Variants in HDX observed in about 807,000 individuals in gnomAD.
HDX encodes the protein highly divergent homeobox.
Under a neutral mutation model 45.2 loss-of-function variants are expected in HDX, and 19 were observed. The observed-to-expected ratio is 0.42, with a 90% CI of 0.29 to 0.62. HDX has a LOEUF of 0.62. Among genes scored for constraint, HDX ranks in the 20% least tolerant of loss-of-function variants. The pLI is 0.20. For synonymous variants in HDX, 188 were observed against 172.8 expected (o/e 1.09, Z -0.69); for missense variants, 532 against 493.9 (o/e 1.08, Z -0.73).
chrX:84,486,983 A>G (rs1184076481), intron 2 of HDX, among the ~76,000 whole-genome samples: 1 of 111,220 alleles, frequency 9.0e-6, no homozygotes, highest in African/African-American at 3.3e-5. Context: ...TACTATTTTT[A>G]TATCATCCCA....
intron 7 of HDX, among the ~76,000 whole-genome samples, chrX:84,337,432 G>T (rs2036990857): frequency 9.0e-6 from 1 of 111,161 alleles, no homozygotes; most frequent in Non-Finnish European, 1.9e-5. Context: ...AATTATGAGT[G>T]ATTTTTAATT....
intron 1 of HDX, among the ~76,000 whole-genome samples, chrX:84,498,132 C>T (rs1437785289): frequency 1.8e-5 from 2 of 111,306 alleles, no homozygotes; most frequent in Admixed American, 9.6e-5. Flanking sequence ...AATAGGACAC[C>T]TTTTGTGAAA....
intron 10 of HDX, 40 bp downstream of exon 10, chrX:84,326,133 TTTGAC>T (rs1325425844): frequency 1.0e-5 from 12 of 1,175,998 alleles, no homozygotes; most frequent in African/African-American, 1.8e-5. Flanking sequence ...CATACCATTT[TTTGAC>T]TTGATACATT....
At chrX:84,452,616 T>G (rs980996827) in intron 4 of HDX, among the ~76,000 whole-genome samples, 3 of 109,371 alleles carry the variant, frequency 2.7e-5, no homozygotes, top group African/African-American at 1.0e-4. Flanking sequence ...AGCATGGTAC[T>G]GGTATATAAA....
intron 5 of HDX, among the ~76,000 whole-genome samples, chrX:84,374,597 A>G (rs1476666080): frequency 3.0e-5 from 3 of 98,593 alleles, no homozygotes; most frequent in South Asian, 4.7e-4. Flanking sequence ...CCACATATCT[A>G]CAACTATCTG....
chrX:84,414,928 T>C (rs2039069480), intron 5 of HDX, among the ~76,000 whole-genome samples: 1 of 112,194 alleles, frequency 8.9e-6, no homozygotes, highest in African/African-American at 3.2e-5. Flanking sequence ...TACTAAAGAC[T>C]CATAGTCTTA....
At chrX:84,393,785 G>T (rs781676203) in intron 5 of HDX, among the ~76,000 whole-genome samples, 14 of 107,892 alleles carry the variant, frequency 1.3e-4, no homozygotes, top group Admixed American at 3.0e-4. Flanking sequence ...ATTTCATCTG[G>T]GTTTTCCAGT....
chrX:84,453,558 A>G (rs1323227897), intron 4 of HDX, among the ~76,000 whole-genome samples: 7 of 112,264 alleles, frequency 6.2e-5, no homozygotes, highest in African/African-American at 2.3e-4. Flanking sequence ...CACTCATCCC[A>G]AGAGTAGGAA....
intron 5 of HDX, among the ~76,000 whole-genome samples, chrX:84,375,403 C>A (rs1325521166): frequency 1.8e-5 from 2 of 110,570 alleles, no homozygotes; most frequent in Non-Finnish European, 3.8e-5. Flanking sequence ...GGGTATATAC[C>A]CAAAGGATTA....
intron 5 of HDX, among the ~76,000 whole-genome samples, chrX:84,396,915 G>A (rs1349009773): frequency 9.0e-6 from 1 of 111,540 alleles, no homozygotes; most frequent in African/African-American, 3.3e-5. Flanking sequence ...GTTGTGGTAG[G>A]TAGGGACAGA....
intron 6 of HDX, among the ~76,000 whole-genome samples, chrX:84,360,129 C>A (rs1216841419): frequency 2.7e-5 from 3 of 111,641 alleles, no homozygotes; most frequent in Non-Finnish European, 5.7e-5. Context: ...AGGACATGAA[C>A]AGAGAGTTCT....
rs1168178786 is a variant in HDX at position 84,450,114 on chromosome X, AG to A, written c.1252-9530del. Among the ~76,000 whole-genome samples the A allele has an allele frequency of 2.7e-5, 3 of 111,602 alleles. No homozygotes were observed. In the East Asian group the frequency reaches 8.4e-4, roughly 31 times the overall value. ...AAAACTTAAAGTATAATAAAAAAAA[AG>A]GAAGGAACAAAGGATATTATTAAAA... On this transcript the variant is annotated intron_variant, in intron 4 of 10. Transcript: ENST00000373177.
chrX:84,325,369 T>C (rs1263436953), intron 10 of HDX, among the ~76,000 whole-genome samples: 1 of 111,480 alleles, frequency 9.0e-6, no homozygotes, highest in Non-Finnish European at 1.9e-5. Context: ...TAAACAAGGG[T>C]TACATATGTC....
intron 5 of HDX, among the ~76,000 whole-genome samples, chrX:84,376,144 C>G (rs1030067482): frequency 1.8e-5 from 2 of 112,100 alleles, no homozygotes; most frequent in African/African-American, 6.5e-5. Context: ...CAGAAGGGAA[C>G]TGTTGCCTTG....
At chrX:84,373,322 T>A (rs1222685328) in intron 5 of HDX, among the ~76,000 whole-genome samples, 2 of 110,810 alleles carry the variant, frequency 1.8e-5, no homozygotes, top group African/African-American at 6.6e-5. Flanking sequence ...AGGCAGACAT[T>A]TGGTTCAGAG....
chrX:84,421,303 T>G (rs1402834302), intron 5 of HDX, among the ~76,000 whole-genome samples: 1 of 111,601 alleles, frequency 9.0e-6, no homozygotes, highest in Non-Finnish European at 1.9e-5. Context: ...TATAGAGTAT[T>G]AGTTTCCGTT....
chrX:84,464,202 A>G (rs975898290), intron 4 of HDX, among the ~76,000 whole-genome samples: 4 of 111,781 alleles, frequency 3.6e-5, no homozygotes, highest in African/African-American at 6.5e-5. Flanking sequence ...AAAACATTCC[A>G]TGCTCATGGA....
chrX:84,488,474 T>C (rs1467616373), intron 1 of HDX, among the ~76,000 whole-genome samples: 1 of 111,258 alleles, frequency 9.0e-6, no homozygotes, highest in Non-Finnish European at 1.9e-5. Context: ...AAGACATTAG[T>C]AATAATATAC....
chrX:84,465,575 A>G (rs978351670), intron 4 of HDX, among the ~76,000 whole-genome samples: 84 of 112,036 alleles, frequency 7.5e-4, no homozygotes, highest in African/African-American at 2.2e-3. Flanking sequence ...CAAGAACAGA[A>G]AACCAAACAC....
Sources: gnomAD v4.1 joint callset for allele counts (sites outside exome capture counted in the v4.1 genomes callset) on GRCh38, gnomAD v4.1.1 for gene constraint, MANE v1.5 for transcripts, NCBI Gene and HGNC (gene_info 2026-07-23, HGNC 2026-07-21) for gene names.